ZNF140: variants seen among roughly 807,000 people sequenced by gnomAD.
ZNF140 encodes the protein zinc finger protein 140, also known as zinc finger protein 140 (clone pHZ-39).
A neutral mutation model predicts 12.9 loss-of-function variants in ZNF140; 13 were observed. The ratio of observed to expected loss-of-function variants is 1.01; its 90% CI spans 0.66 to 1.60. The LOEUF is 1.60. Among genes scored for constraint, ZNF140 ranks in the 40% most tolerant of loss-of-function variants. ZNF140 has a pLI of 0.00. For missense variants in ZNF140, 531 were observed against 548.8 expected, an observed-to-expected ratio of 0.97 and a Z score of 0.32; for synonymous variants, 214 against 186.7, an observed-to-expected ratio of 1.15 and a Z score of -1.19.
intron 4 of ZNF140, among the ~76,000 whole-genome samples, chr12:133,087,302 T>TA (rs141422397): frequency 4.1e-5 from 6 of 147,254 alleles, no homozygotes; most frequent in South Asian, 2.2e-4. Context: ...TTTCCTTAGT[T>TA]AAAAAAAAAA....
chr12:133,083,254 C>T, intron 3 of ZNF140, 25 bp downstream of exon 3: 1 of 1,599,314 alleles, frequency 6.3e-7, no homozygotes, highest in Non-Finnish European at 8.6e-7. Context: ...TCATCTCCCT[C>T]AAGGCAAAAT....
chr12:133,084,162 A>G, intron 4 of ZNF140: 1 of 438,626 alleles, frequency 2.3e-6, no homozygotes, highest in South Asian at 1.7e-5. Context: ...TCTGAATTTC[A>G]TTTCTTTTTG....
At chr12:133,083,421 G>C in intron 3 of ZNF140, 45 bp from the exon 4 acceptor site, 1 of 1,586,026 alleles carries the variant, frequency 6.3e-7, no homozygotes, top group Non-Finnish European at 8.6e-7. Flanking sequence ...GCCCCTCTTA[G>C]GATTCAATGA....
intron 4 of ZNF140, among the ~76,000 whole-genome samples, chr12:133,096,015 C>T (rs1955099852): frequency 6.6e-6 from 1 of 151,036 alleles, no homozygotes; most frequent in Non-Finnish European, 1.5e-5. Context: ...AGGCTTTCCT[C>T]TTTTACCAAT....
In ZNF140 at chr12:133,081,348, A is replaced by AAAATATATATATATATATAT; in HGVS notation, c.9+20_9+21insAATATATATATATATATATA. The stretch of plus-strand genomic sequence containing the variant: ...GTCTCAGGTAAGCTAATGATTGATA[A>AAAATATATATATATATATAT]ATATATATATATATATATATATAAA... On this transcript the variant is annotated intron_variant, in intron 2 of 4. Coordinates refer to ENST00000355557, the MANE Select transcript of ZNF140 (RefSeq NM_003440.4). 6.3e-6 allele frequency: 2 copies of AAAATATATATATATATATAT among 316,998 alleles called. No individual in the cohort carries two copies. The highest frequency in any genetic ancestry group is 5.8e-6 in the Non-Finnish European group (1 of 171,708). The allele number at this position is 316,998 out of a possible 1,614,324, so 19.6% of individuals were successfully genotyped here.
chr12:133,101,863 G>T (rs895558169), intron 4 of ZNF140, among the ~76,000 whole-genome samples: 230 of 152,148 alleles, frequency 1.5e-3, no homozygotes, highest in African/African-American at 5.1e-3. Flanking sequence ...AAAACTGTTA[G>T]CATATTAATC....
At chr12:133,091,881 G>A (rs974356857) in intron 4 of ZNF140, among the ~76,000 whole-genome samples, 29 of 151,136 alleles carry the variant, frequency 1.9e-4, no homozygotes, top group South Asian at 1.9e-3. Flanking sequence ...GTTTAACCAT[G>A]TCCCAGTGAT....
chr12:133,101,164 TTGCTTGGTGTTCTCTG>T (rs1279246677), intron 4 of ZNF140: 1 of 253,364 alleles, frequency 3.9e-6, no homozygotes, highest in African/African-American at 2.3e-5. Context: ...GGCACTTACC[TTGCTTGGTGTTCTCTG>T]TGTTTCCTCC....
At chr12:133,091,524 ATC>A (rs1954891151) in intron 4 of ZNF140, among the ~76,000 whole-genome samples, 2 of 149,998 alleles carry the variant, frequency 1.3e-5, no homozygotes, top group African/African-American at 2.5e-5. Context: ...TGACAGTCTG[ATC>A]TCTCTTTCTT....
intron 4 of ZNF140, chr12:133,101,198 G>A (rs1318524663): frequency 4.2e-6 from 1 of 237,364 alleles, no homozygotes; most frequent in Non-Finnish European, 8.6e-6. Context: ...TCCATCTGTG[G>A]TTTGGTTTAT....
intron 4 of ZNF140, among the ~76,000 whole-genome samples, chr12:133,090,561 C>G (rs1259549826): frequency 6.6e-6 from 1 of 152,072 alleles, no homozygotes; most frequent in Non-Finnish European, 1.5e-5. Flanking sequence ...CCCCTCCACA[C>G]CTGTGGGTAT....
intron 4 of ZNF140, among the ~76,000 whole-genome samples, chr12:133,086,949 C>A (rs1954696014): frequency 1.3e-5 from 2 of 152,166 alleles, no homozygotes; most frequent in South Asian, 4.1e-4. Flanking sequence ...TTGTATGTTT[C>A]TAGGTTCTCA....
intron 4 of ZNF140, among the ~76,000 whole-genome samples, chr12:133,099,591 G>A (rs1022928307): frequency 6.6e-6 from 1 of 152,186 alleles, no homozygotes; most frequent in African/African-American, 2.4e-5. Context: ...GGGAGGCTTG[G>A]GTGGGAGGTG....
At chr12:133,083,592 T>G in intron 4 of ZNF140, 31 bp downstream of exon 4, 8 of 1,579,710 alleles carry the variant, frequency 5.1e-6, no homozygotes, top group Non-Finnish European at 6.9e-6. Flanking sequence ...TGGGGAAATT[T>G]TTTAAAACCA....
At chr12:133,081,371 A>ATATATATATATAT (rs1593734785) in intron 2 of ZNF140, 42 bp downstream of exon 2, 2,686 of 251,018 alleles carry the variant, frequency 0.011, 118 homozygotes, top group African/African-American at 0.026. Context: ...ATATATATAT[A>ATATATATATATAT]AATTTTTATT....
intron 4 of ZNF140, among the ~76,000 whole-genome samples, chr12:133,095,413 A>G (rs901302771): frequency 2.0e-5 from 3 of 150,796 alleles, no homozygotes; most frequent in Non-Finnish European, 4.4e-5. Context: ...GCTGTCCTCA[A>G]TGCTCACGTT....
At chr12:133,101,416 A>C (rs995333294) in intron 4 of ZNF140, among the ~76,000 whole-genome samples, 8 of 150,412 alleles carry the variant, frequency 5.3e-5, no homozygotes, top group Non-Finnish European at 1.2e-4. Context: ...CAGAATACTT[A>C]TGAGCCCATT....
chr12:133,082,907 T>C (rs1954551309), intron 2 of ZNF140, 196 bp from the exon 3 acceptor site: 4 of 643,104 alleles, frequency 6.2e-6, no homozygotes, highest in Non-Finnish European at 9.9e-6. Context: ...ATTTATGTTT[T>C]TCTCCTTTTC....
intron 1 of ZNF140, 91 bp downstream of exon 1, chr12:133,081,163 A>G (rs1319269019): frequency 2.9e-6 from 1 of 346,076 alleles, no homozygotes; most frequent in African/African-American, 2.2e-5. Flanking sequence ...CCTGCTCTCT[A>G]CGTGGGAGGC....
Sources: gnomAD v4.1 joint callset for allele counts (sites outside exome capture counted in the v4.1 genomes callset) on GRCh38, gnomAD v4.1.1 for gene constraint, MANE v1.5 for transcripts, NCBI Gene and HGNC (gene_info 2026-07-23, HGNC 2026-07-21) for gene names.